ESYT3: variants seen among roughly 807,000 people sequenced by gnomAD.
The protein encoded by ESYT3 is extended synaptotagmin 3.
A neutral mutation model predicts 111.5 loss-of-function variants in ESYT3; 101 were observed. The observed-to-expected ratio is 0.91, with a 90% CI of 0.77 to 1.07. The LOEUF (loss-of-function observed/expected upper bound fraction) is 1.07, where lower values mean the gene tolerates loss of function less well. ESYT3 is among the 50% of genes least tolerant of loss of function. The pLI, the probability that ESYT3 is intolerant of heterozygous loss-of-function variation, is 0.00. For missense variants in ESYT3, 1,097 were observed against 1,109.4 expected (o/e 0.99, Z 0.16); for synonymous variants, 416 against 446.8 (o/e 0.93, Z 0.87).
At chr3:138,474,464 A>G in intron 20 of ESYT3, 112 bp downstream of exon 20, 1 of 1,211,324 alleles carries the variant, frequency 8.3e-7, no homozygotes. Context: ...TGGCTGAACA[A>G]GACAACATAG....
intron 6 of ESYT3, among the ~76,000 whole-genome samples, chr3:138,460,401 C>G (rs1487022573): frequency 6.6e-6 from 1 of 152,176 alleles, no homozygotes; most frequent in East Asian, 1.9e-4. Context: ...GAGGCCTGGG[C>G]CCTCGATACC....
chr3:138,468,170 T>TACTG lies in ESYT3; in HGVS notation c.1287_1290dup (p.Gln431Ter). 1 of 1,614,134 alleles carries TACTG rather than the reference T, an allele frequency of 6.2e-7. No homozygotes were observed. The highest frequency in any genetic ancestry group is 8.5e-7 in the Non-Finnish European group (1 of 1,180,026). ...TGCGGCTGGAGTGGCTTTCATTGCT[T>TACTG]ACTGACCAAGAAGTTCTGACTGAGG... On this transcript the variant is annotated frameshift_variant, in exon 12 of 23. Coordinates refer to ENST00000389567, the MANE Select transcript of ESYT3 (RefSeq NM_031913.5). LOFTEE classifies it high-confidence loss of function.
chr3:138,458,292 C>T (rs576233142), intron 4 of ESYT3, among the ~76,000 whole-genome samples: 2 of 152,350 alleles, frequency 1.3e-5, no homozygotes, highest in South Asian at 4.1e-4. Flanking sequence ...TTCGGACCGC[C>T]CATCCCCATT....
intron 16 of ESYT3, chr3:138,470,522 A>G: frequency 1.8e-6 from 2 of 1,132,058 alleles, no homozygotes; most frequent in African/African-American, 3.1e-5. Flanking sequence ...GGCAAAAACA[A>G]TGTCTTGTCC....
At chr3:138,468,517 G>A (rs2033050035) in intron 12 of ESYT3, 138 bp from the exon 13 acceptor site, 2 of 820,278 alleles carry the variant, frequency 2.4e-6, no homozygotes, top group South Asian at 1.5e-5. Context: ...AAAATGCTAG[G>A]TTGTGAGAGG....
intron 8 of ESYT3, among the ~76,000 whole-genome samples, chr3:138,463,573 A>G (rs2032765537): frequency 6.6e-6 from 1 of 152,184 alleles, no homozygotes; most frequent in Non-Finnish European, 1.5e-5. Context: ...TCACTATTAC[A>G]AATAGTAGTG....
rs72976615 is a variant in ESYT3, at chr3:138,456,354, T to C, written c.504+1026T>C. Among the ~76,000 whole-genome samples, 983 of 152,238 alleles carry C rather than the reference T, an allele frequency of 6.5e-3. 11 individuals carry two copies. The highest frequency in any genetic ancestry group is 0.023 in the African/African-American group (950 of 41,544). ...TGCATGATGGCAGAGGAATGCAAGT[T>C]CAGAAATGGAGGGGTGGAGGGGCTG... On this transcript the variant is annotated intron_variant, in intron 3 of 22. Coordinates refer to ENST00000389567, the MANE Select transcript of ESYT3 (RefSeq NM_031913.5).
Position 138,465,407 on chromosome 3 carries a change from T to A in ESYT3, c.1155T>A (p.Asp385Glu), listed in dbSNP as rs767978186. The A allele has an allele frequency of 8.2e-6, 13 of 1,592,300 alleles. No homozygotes were observed. The African/African-American group carries it at 1.7e-4, about 21-fold the overall frequency. The change falls in exon 10 of 23, where the codon GAT (aspartate) becomes GAA (glutamate). Residue 385 changes from aspartate to glutamate, a missense_variant. By Grantham distance (45) the Asp-to-Glu change is conservative (BLOSUM62 2). Coordinates refer to ENST00000389567, the MANE Select transcript of ESYT3 (RefSeq NM_031913.5). ...TGTATGATGAGGATACCGACAGGGATGACTTCCTGGGCAGGTGAGGAGGAG... is the reference window on the plus strand; with the variant it reads ...TGTATGATGAGGATACCGACAGGGAAGACTTCCTGGGCAGGTGAGGAGGAG... ...VDLYDEDTDR[D>E]DFLGSLQICL...
At position 138,454,602 on chromosome 3, in the gene ESYT3, A is replaced by C. The variant is rs140505316; in HGVS notation, c.370-592A>C. Among the ~76,000 whole-genome samples, 1,176 of 152,230 alleles carry C rather than the reference A, an allele frequency of 7.7e-3. 17 individuals carry two copies. The highest frequency in any genetic ancestry group is 0.027 in the African/African-American group (1,132 of 41,538). On this transcript the variant is annotated intron_variant, in intron 2 of 22. Coordinates refer to ENST00000389567, the MANE Select transcript of ESYT3 (RefSeq NM_031913.5). The stretch of plus-strand genomic sequence containing the variant: ...TGGAGAAGCCTTGCCCCAAACAGAA[A>C]GTACCTGCTGGCTGGCCCGCCCTCC...
Position 138,452,370 on chromosome 3 carries a change from C to G in ESYT3, c.369+281C>G, listed in dbSNP as rs540182246. Among the ~76,000 whole-genome samples, 4 of 152,266 alleles carry G rather than the reference C, an allele frequency of 2.6e-5. No individual in the cohort carries two copies. In the East Asian group the frequency reaches 7.7e-4, roughly 29 times the overall value. On this transcript the variant is annotated intron_variant, in intron 2 of 22. Coordinates refer to ENST00000389567, the MANE Select transcript of ESYT3 (RefSeq NM_031913.5). ...TCACCAGGCCAGGAGCTGTACTTTCCTAGGGAGAGGAAGACATTAATTAGA... is the reference window on the plus strand; with the variant it reads ...TCACCAGGCCAGGAGCTGTACTTTCGTAGGGAGAGGAAGACATTAATTAGA...
Position 138,449,086 on chromosome 3 carries a change from T to TTC in ESYT3, c.328-2961_328-2960insCT, listed in dbSNP as rs376464932. Among the ~76,000 whole-genome samples the TTC allele has an allele frequency of 3.6e-3, 512 of 142,984 alleles. 5 individuals are homozygous for TTC. The highest frequency in any genetic ancestry group is 0.013 in the African/African-American group (495 of 37,794). 93.8% of individuals were successfully genotyped at this position (142,984 alleles called of 152,430 possible). On this transcript the variant is annotated intron_variant, in intron 1 of 22. Coordinates refer to ENST00000389567, the MANE Select transcript of ESYT3 (RefSeq NM_031913.5). ...TGCTGCCTACACTTTCTTTTTCTTT[T>TTC]TTTTTTTTTTTTTTTTGAGATGGAG...
chr3:138,434,953 C>T lies in ESYT3; in HGVS notation c.155C>T (p.Ala52Val), dbSNP rs772940409. The T allele has an allele frequency of 2.6e-6, 4 of 1,553,674 alleles. No homozygotes were observed. In the African/African-American group the frequency reaches 4.1e-5, roughly 16 times the overall value. The change falls in exon 1 of 23, where the codon GCT (alanine) becomes GTT (valine). Residue 52 changes from alanine to valine, a missense_variant. Physicochemically the swap from Ala to Val is moderately conservative, Grantham distance 64. Coordinates refer to ENST00000389567, the MANE Select transcript of ESYT3 (RefSeq NM_031913.5). ...TTCTACCTGGGGCCTGTCTACCTAG[C>T]TGGCTACCTGGGGCTCAGCATAACC... is the stretch of plus-strand genomic sequence containing the variant. ...VLFYLGPVYL[A>V]GYLGLSITWL...
chr3:138,478,911 G>A lies in ESYT3; in HGVS notation c.*2057G>A, dbSNP rs1219391959. 4 of 152,130 alleles carry A rather than the reference G, an allele frequency of 2.6e-5. No homozygotes were observed. Among genetic ancestry groups the A allele is most frequent in the African/African-American group, 9.7e-5 (4 of 41,418 alleles). 9.4% of individuals were successfully genotyped at this position (152,130 alleles called of 1,614,324 possible). A position where few individuals can be genotyped will look rare whatever the true frequency, so the allele number is the denominator to read the frequency against. On this transcript the variant is annotated 3_prime_UTR_variant, in exon 23 of 23. Transcript: ENST00000389567. ...GTACAGAAACCCCCAAACCTAAGAC[G>A]GAATGTGAATATTGGTTTAGAACCT...
At chr3:138,436,328 C>T (rs953580368) in intron 1 of ESYT3, among the ~76,000 whole-genome samples, 1 of 152,134 alleles carries the variant, frequency 6.6e-6, no homozygotes, top group Non-Finnish European at 1.5e-5. Context: ...GTCTTCACAC[C>T]GTCTTCCTTC....
At chr3:138,475,586 T>G (rs905168763) in intron 20 of ESYT3, among the ~76,000 whole-genome samples, 6 of 152,126 alleles carry the variant, frequency 3.9e-5, no homozygotes, top group Non-Finnish European at 8.8e-5. Flanking sequence ...GGGGTTGAGG[T>G]GGTCCTGTGA....
intron 17 of ESYT3, among the ~76,000 whole-genome samples, chr3:138,471,827 A>G (rs919523420): frequency 2.6e-5 from 4 of 152,198 alleles, no homozygotes; most frequent in Non-Finnish European, 2.9e-5. Context: ...GCTCATATTT[A>G]TACTCAAAAT....
At chr3:138,436,826 TCAC>T (rs2030736293) in intron 1 of ESYT3, among the ~76,000 whole-genome samples, 2 of 152,198 alleles carry the variant, frequency 1.3e-5, no homozygotes, top group African/African-American at 2.4e-5. Flanking sequence ...CTGCGAGTCT[TCAC>T]CAAGTAACAT....
chr3:138,463,488 A>G (rs2032760897), intron 8 of ESYT3, among the ~76,000 whole-genome samples: 2 of 152,192 alleles, frequency 1.3e-5, no homozygotes. Context: ...GCTCCAAAGT[A>G]CTTCACTATG....
chr3:138,480,544 T>TA (rs1383277930), downstream of ESYT3: 87 of 152,264 alleles, frequency 5.7e-4, no homozygotes, highest in African/African-American at 1.9e-3. Flanking sequence ...GATACAATGT[T>TA]AAAAAAACTG....
Sources: gnomAD v4.1 joint callset for allele counts (sites outside exome capture counted in the v4.1 genomes callset) on GRCh38, gnomAD v4.1.1 for gene constraint, MANE v1.5 for transcripts, NCBI Gene and HGNC (gene_info 2026-07-23, HGNC 2026-07-21) for gene names.